Variants in QRSL1 observed in about 807,000 individuals in gnomAD.
QRSL1 encodes the protein glutamyl-tRNA(Gln) amidotransferase subunit A, mitochondrial.
QRSL1 carries 54 observed loss-of-function variants against 61.6 expected under a neutral mutation model. The observed-to-expected ratio is 0.88, with a 90% CI of 0.70 to 1.10. The LOEUF (loss-of-function observed/expected upper bound fraction) is 1.10. Ranked by LOEUF, QRSL1 falls within the 50% of genes least tolerant of loss-of-function variation. QRSL1 has a pLI of 0.00. For synonymous variants in QRSL1, 228 were observed against 225.7 expected (o/e 1.01, Z -0.09); for missense variants, 505 against 622.6 (o/e 0.81, Z 2.01).
rs1350634652 is a variant in QRSL1 at position 106,659,608 on chromosome 6, T to C, written c.1161-3372T>C. On this transcript the variant is annotated intron_variant, in intron 9 of 10. Transcript: ENST00000369046. ...TTTTTTGCTGCTTTTCATGTCTGTA[T>C]ATTGTGAATTTTACATTGTCATTTG... Among the ~76,000 whole-genome samples, 3 of 152,220 alleles carry C rather than the reference T, an allele frequency of 2.0e-5. No homozygotes were observed. The East Asian group carries it at 5.8e-4, about 29-fold the overall frequency.
At chr6:106,643,799 C>A (rs529956235) in intron 4 of QRSL1, among the ~76,000 whole-genome samples, 1 of 151,906 alleles carries the variant, frequency 6.6e-6, no homozygotes, top group Non-Finnish European at 1.5e-5. Context: ...TCTGAACATG[C>A]CTTTCAAAGA....
chr6:106,664,688 A>T (rs1777405832), intron 10 of QRSL1, among the ~76,000 whole-genome samples: 1 of 152,234 alleles, frequency 6.6e-6, no homozygotes, highest in South Asian at 2.1e-4. Context: ...TGGTAGAAGT[A>T]CTACATAATC....
intron 4 of QRSL1, among the ~76,000 whole-genome samples, chr6:106,644,278 G>A (rs1777072936): frequency 6.6e-6 from 1 of 152,100 alleles, no homozygotes; most frequent in African/African-American, 2.4e-5. Context: ...CTCCCAGCTT[G>A]GTCCAGCAAA....
chr6:106,634,837 A>G (rs1776896408), intron 1 of QRSL1, among the ~76,000 whole-genome samples: 1 of 152,038 alleles, frequency 6.6e-6, no homozygotes, highest in Non-Finnish European at 1.5e-5. Context: ...GGGAGTGGAT[A>G]TTGTTTTTTA....
At chr6:106,642,384 T>C in intron 3 of QRSL1, 2 of 441,074 alleles carry the variant, frequency 4.5e-6, no homozygotes, top group Non-Finnish European at 8.4e-6. Context: ...ATGATTTACA[T>C]GTTCGCTGTT....
intron 3 of QRSL1, 158 bp from the exon 4 acceptor site, chr6:106,642,836 C>T (rs2114704420): frequency 1.3e-6 from 1 of 761,646 alleles, no homozygotes; most frequent in Non-Finnish European, 2.4e-6. Context: ...ACTGACGTGC[C>T]AGCCTGCTCC....
In QRSL1 at chr6:106,657,809, A is replaced by G. The variant is rs1777294767; in HGVS notation, c.1160+2077A>G. The stretch of plus-strand genomic sequence containing the variant: ...CAACCCTGCCTCCTGGGTTCAAGCA[A>G]TTCTTCTGCCTCAGCATCCTGAGTA... On this transcript the variant is annotated intron_variant, in intron 9 of 10. Transcript: ENST00000369046. Among the ~76,000 whole-genome samples the G allele has an allele frequency of 3.3e-5, 5 of 152,134 alleles. No homozygotes were observed. The South Asian group carries it at 1.0e-3, about 32-fold the overall frequency.
intron 1 of QRSL1, chr6:106,640,143 T>C (rs952489775): frequency 1.0e-4 from 46 of 446,770 alleles, no homozygotes; most frequent in African/African-American, 8.9e-4. Context: ...AAGAATGTCA[T>C]GTCCTCCACC....
chr6:106,661,120 G>GTT (rs67485757), intron 9 of QRSL1, among the ~76,000 whole-genome samples: 2 of 151,116 alleles, frequency 1.3e-5, no homozygotes, highest in South Asian at 2.1e-4. Flanking sequence ...GTTTTGTTTT[G>GTT]TTTTTTTTTG....
chr6:106,638,234 T>C (rs1276608152), intron 1 of QRSL1, among the ~76,000 whole-genome samples: 1 of 152,224 alleles, frequency 6.6e-6, no homozygotes, highest in African/African-American at 2.4e-5. Flanking sequence ...TCCCATTCCA[T>C]ATACATGATG....
intron 7 of QRSL1, among the ~76,000 whole-genome samples, chr6:106,654,394 G>C (rs1777234715): frequency 6.6e-6 from 1 of 151,410 alleles, no homozygotes; most frequent in Admixed American, 6.6e-5. Flanking sequence ...CCTGATACAT[G>C]AGCATTTAAC....
In QRSL1 at chr6:106,666,814, C is replaced by A. The variant is rs554577881; in HGVS notation, c.*812C>A. The A allele has an allele frequency of 6.6e-6, 1 of 152,346 alleles. No homozygotes were observed. Among genetic ancestry groups the A allele is most frequent in the East Asian group, 1.9e-4 (1 of 5,186 alleles). The allele number at this position is 152,346 out of a possible 1,614,324, so 9.4% of individuals were successfully genotyped here. ...GCAGGTGGAAGAGGAACTTTGAGCACAGGAGGAAATGCAACCAGTCAGGGC... is the reference window on the plus strand; with the variant it reads ...GCAGGTGGAAGAGGAACTTTGAGCAAAGGAGGAAATGCAACCAGTCAGGGC... On this transcript the variant is annotated 3_prime_UTR_variant, in exon 11 of 11. Coordinates refer to ENST00000369046, the MANE Select transcript of QRSL1 (RefSeq NM_018292.5).
rs1050006939 is a variant in QRSL1 at position 106,639,319 on chromosome 6, T to A, written c.25-1030T>A. Among the ~76,000 whole-genome samples the A allele has an allele frequency of 2.0e-5, 3 of 151,966 alleles. 1 individual carries two copies. The highest frequency in any genetic ancestry group is 2.0e-4 in the Admixed American group (3 of 15,270). On this transcript the variant is annotated intron_variant, in intron 1 of 10. Coordinates refer to ENST00000369046, the MANE Select transcript of QRSL1 (RefSeq NM_018292.5). ...TTTTGTATTTTTAGTAGAGACAGAG[T>A]TTCACCATGTTGGCCAGGATGGTCT...
chr6:106,640,586 G>A lies in QRSL1; in HGVS notation c.184+78G>A, dbSNP rs1777002199. 2.3e-6 allele frequency: 3 copies of A among 1,309,186 alleles called. No individual in the cohort carries two copies. In the East Asian group the frequency reaches 7.4e-5, roughly 32 times the overall value. The allele number at this position is 1,309,186 out of a possible 1,614,324, so 81.1% of individuals were successfully genotyped here. The stretch of plus-strand genomic sequence containing the variant: ...GTTTGTAGCAGTCTCCATTTGGCAA[G>A]TGAAGCTTTAAACATAAACCATAGC... On this transcript the variant is annotated intron_variant, in intron 2 of 10. Coordinates refer to ENST00000369046, the MANE Select transcript of QRSL1 (RefSeq NM_018292.5).
intron 4 of QRSL1, among the ~76,000 whole-genome samples, chr6:106,644,405 ACCT>A (rs1393196914): frequency 3.0e-4 from 45 of 151,860 alleles, no homozygotes; most frequent in Admixed American, 3.0e-3. Context: ...TGATCCTCTG[ACCT>A]CATCCTTCCG....
chr6:106,642,529 G>T (rs1777037825), intron 3 of QRSL1: 2 of 703,844 alleles, frequency 2.8e-6, no homozygotes, highest in Admixed American at 1.8e-5. Flanking sequence ...AAAACAGGGA[G>T]TTGTTTGCCA....
intron 1 of QRSL1, among the ~76,000 whole-genome samples, chr6:106,639,111 G>GTTTTTT (rs1562164982): frequency 6.4e-4 from 39 of 60,744 alleles, no homozygotes; most frequent in African/African-American, 2.5e-3. Context: ...TTATTTGTGT[G>GTTTTTT]TTTTGTTGTT....
Position 106,639,133 on chromosome 6 carries a change from T to TG in QRSL1, c.25-1216_25-1215insG, listed in dbSNP as rs1562165132. ...TGTGTTTTGTTGTTTTTTTTTTTTTTTTTTTTTTTTTTTGACAGAGTCTGG... is the reference window on the plus strand; with the variant it reads ...TGTGTTTTGTTGTTTTTTTTTTTTTTGTTTTTTTTTTTTTGACAGAGTCTGG... On this transcript the variant is annotated intron_variant, in intron 1 of 10. Coordinates refer to ENST00000369046, the MANE Select transcript of QRSL1 (RefSeq NM_018292.5). Among the ~76,000 whole-genome samples, 20 of 115,354 alleles carry TG rather than the reference T, an allele frequency of 1.7e-4. 1 individual carries two copies. The highest frequency in any genetic ancestry group is 4.2e-3 in the Middle Eastern group (1 of 238). 75.7% of individuals were successfully genotyped at this position (115,354 alleles called of 152,430 possible).
intron 4 of QRSL1, among the ~76,000 whole-genome samples, chr6:106,644,146 A>G (rs1325472984): frequency 6.6e-6 from 1 of 152,178 alleles, no homozygotes; most frequent in Non-Finnish European, 1.5e-5. Flanking sequence ...TGCTGGGATT[A>G]CAGGCATGTG....
Sources: gnomAD v4.1 joint callset for allele counts (sites outside exome capture counted in the v4.1 genomes callset) on GRCh38, gnomAD v4.1.1 for gene constraint, MANE v1.5 for transcripts, NCBI Gene and HGNC (gene_info 2026-07-23, HGNC 2026-07-21) for gene names.